EPHA7: variants seen among roughly 807,000 people sequenced by gnomAD.
EPHA7 encodes ephrin type-A receptor 7.
A neutral mutation model predicts 112.6 loss-of-function variants in EPHA7; 25 were observed. The ratio of observed to expected loss-of-function variants is 0.22; its 90% confidence interval spans 0.16 to 0.31. EPHA7 has a LOEUF of 0.31. EPHA7 is among the 10% of genes least tolerant of loss of function. The probability of loss-of-function intolerance (pLI) is 1.00; values close to 1 mark genes in which losing one functional copy is unlikely to be tolerated. For synonymous variants in EPHA7, 437 were observed against 406.5 expected (o/e 1.07, Z -0.90); for missense variants, 962 against 1,212.6 (o/e 0.79, Z 3.07).
At chr6:93,400,570 A>G (rs1778391421) in intron 3 of EPHA7, among the ~76,000 whole-genome samples, 1 of 151,906 alleles carries the variant, frequency 6.6e-6, no homozygotes, top group Non-Finnish European at 1.5e-5. Context: ...TCTAACTGTC[A>G]CCCTGGCTGG....
chr6:93,270,878 T>C (rs1235508248), intron 6 of EPHA7, among the ~76,000 whole-genome samples: 2 of 151,808 alleles, frequency 1.3e-5, no homozygotes, highest in Non-Finnish European at 2.9e-5. Flanking sequence ...ACAATATTAT[T>C]ATTGTCTTTT....
chr6:93,294,591 A>G (rs1772556395), intron 5 of EPHA7, among the ~76,000 whole-genome samples: 1 of 152,186 alleles, frequency 6.6e-6, no homozygotes, highest in Non-Finnish European at 1.5e-5. Flanking sequence ...AACAAATAGA[A>G]CAATGTCATA....
intron 5 of EPHA7, among the ~76,000 whole-genome samples, chr6:93,298,703 T>C (rs1052111585): frequency 5.9e-5 from 9 of 152,160 alleles, no homozygotes; most frequent in Admixed American, 3.9e-4. Context: ...TTGGCAAAGA[T>C]TGAAAACCAA....
At chr6:93,392,381 A>C (rs915201825) in intron 3 of EPHA7, among the ~76,000 whole-genome samples, 1 of 151,896 alleles carries the variant, frequency 6.6e-6, no homozygotes, top group Non-Finnish European at 1.5e-5. Context: ...CTCAATAGGA[A>C]AAGGTGGGAA....
chr6:93,288,846 A>G (rs894684365), intron 5 of EPHA7, among the ~76,000 whole-genome samples: 1 of 152,186 alleles, frequency 6.6e-6, no homozygotes, highest in Non-Finnish European at 1.5e-5. Context: ...ATTAGCAAAT[A>G]TCTTTTTATA....
intron 5 of EPHA7, among the ~76,000 whole-genome samples, chr6:93,308,396 T>TTTAC (rs1364325682): frequency 1.9e-4 from 29 of 152,090 alleles, no homozygotes; most frequent in African/African-American, 5.8e-4. Flanking sequence ...ACTTTATTTA[T>TTTAC]TTACTTTTTT....
chr6:93,269,361 A>G, intron 7 of EPHA7, 116 bp downstream of exon 7: 1 of 745,192 alleles, frequency 1.3e-6, no homozygotes. Flanking sequence ...GTACATATAT[A>G]TTTATTTGTA....
At chr6:93,257,320 T>C in intron 12 of EPHA7, 142 bp downstream of exon 12, 1 of 581,738 alleles carries the variant, frequency 1.7e-6, no homozygotes, top group Non-Finnish European at 2.9e-6. Context: ...GAACTCTGAT[T>C]ATTAATCTGA....
chr6:93,400,112 T>A (rs1167372913), intron 3 of EPHA7, among the ~76,000 whole-genome samples: 6 of 152,058 alleles, frequency 3.9e-5, no homozygotes, highest in Admixed American at 3.9e-4. Flanking sequence ...TAGGAAAATG[T>A]CAACTAAAAT....
chr6:93,270,580 A>G (rs1160340874), intron 6 of EPHA7, among the ~76,000 whole-genome samples: 1 of 151,684 alleles, frequency 6.6e-6, no homozygotes, highest in Non-Finnish European at 1.5e-5. Flanking sequence ...TATTTGGTGT[A>G]TAATAAATAC....
intron 12 of EPHA7, among the ~76,000 whole-genome samples, chr6:93,256,990 ACCAC>A (rs1173245889): frequency 1.2e-4 from 19 of 152,238 alleles, no homozygotes; most frequent in African/African-American, 4.3e-4. Flanking sequence ...TTACAAATAA[ACCAC>A]ATACCATTAA....
intron 16 of EPHA7, among the ~76,000 whole-genome samples, chr6:93,244,975 T>C (rs991574337): frequency 6.6e-6 from 1 of 152,160 alleles, no homozygotes; most frequent in Non-Finnish European, 1.5e-5. Context: ...ACACCAGCTA[T>C]GGAGCCAAAT....
intron 3 of EPHA7, among the ~76,000 whole-genome samples, chr6:93,361,326 A>C (rs1167077259): frequency 6.6e-6 from 1 of 152,070 alleles, no homozygotes; most frequent in African/African-American, 2.4e-5. Context: ...AAGTAAGTAC[A>C]AAAGCGCTGG....
rs567376357 is a variant in EPHA7 at position 93,365,744 on chromosome 6, G to C, written c.833-7333C>G. On this transcript the variant is annotated intron_variant, in intron 3 of 16. Coordinates refer to ENST00000369303, the MANE Select transcript of EPHA7 (RefSeq NM_004440.4). Reference sequence around the variant, plus strand: ...CTATCACCCTGGAACTAACATGCAAGAGTTTAGAAAAGACAGCATGCAGAA... The same window carrying C: ...CTATCACCCTGGAACTAACATGCAACAGTTTAGAAAAGACAGCATGCAGAA... Among the ~76,000 whole-genome samples the C allele has an allele frequency of 5.3e-5, 8 of 152,254 alleles. No individual in the cohort carries two copies. The East Asian group carries it at 1.5e-3, about 29-fold the overall frequency.
At chr6:93,331,227 A>T (rs1245216571) in intron 5 of EPHA7, among the ~76,000 whole-genome samples, 1 of 151,542 alleles carries the variant, frequency 6.6e-6, no homozygotes, top group Non-Finnish European at 1.5e-5. Flanking sequence ...TAAGAAAAGA[A>T]GTAAACAGAG....
At chr6:93,395,845 G>A (rs1321153455) in intron 3 of EPHA7, among the ~76,000 whole-genome samples, 1 of 151,882 alleles carries the variant, frequency 6.6e-6, no homozygotes, top group Non-Finnish European at 1.5e-5. Context: ...CTTCTCCTCT[G>A]AAAGTGTCAT....
rs113623880 is a variant in EPHA7, at chr6:93,247,324, C to A, written c.2533-339G>T. On this transcript the variant is annotated intron_variant, in intron 14 of 16. Transcript: ENST00000369303. ...CTTACTTGTATATCTTTGTGAGTAT[C>A]CATATGTGCCCATACATTTAATAAT... is the stretch of plus-strand genomic sequence containing the variant. Among the ~76,000 whole-genome samples, 929 of 152,216 alleles carry A rather than the reference C, an allele frequency of 6.1e-3. 11 individuals carry two copies. Among genetic ancestry groups the A allele is most frequent in the African/African-American group, 0.021 (892 of 41,546 alleles).
chr6:93,270,740 C>T (rs952731128), intron 6 of EPHA7, among the ~76,000 whole-genome samples: 8 of 151,480 alleles, frequency 5.3e-5, no homozygotes, highest in Non-Finnish European at 1.0e-4. Context: ...TGTGATTGTC[C>T]TCATTATAAT....
intron 3 of EPHA7, among the ~76,000 whole-genome samples, chr6:93,401,759 C>T (rs1039829731): frequency 2.0e-5 from 3 of 151,806 alleles, no homozygotes; most frequent in Non-Finnish European, 4.4e-5. Context: ...AAAATTGAAA[C>T]AAAAAGATTT....
Sources: gnomAD v4.1 joint callset for allele counts (sites outside exome capture counted in the v4.1 genomes callset) on GRCh38, gnomAD v4.1.1 for gene constraint, MANE v1.5 for transcripts, NCBI Gene and HGNC (gene_info 2026-07-23, HGNC 2026-07-21) for gene names.